COLGALT1: variants seen among roughly 807,000 people sequenced by gnomAD.
The protein encoded by COLGALT1 is collagen beta(1-O)galactosyltransferase 1.
In COLGALT1, 43 loss-of-function variants were observed where a neutral mutation model predicts 60.8. The ratio of observed to expected loss-of-function variants is 0.71; its 90% CI spans 0.55 to 0.91. The LOEUF is 0.91. Ranked by LOEUF, COLGALT1 falls within the 40% of genes least tolerant of loss-of-function variation. COLGALT1 has a pLI of 0.00. For missense variants in COLGALT1, 845 were observed against 880.0 expected, an observed-to-expected ratio of 0.96 and a Z score of 0.50; for synonymous variants, 369 against 374.2, an observed-to-expected ratio of 0.99 and a Z score of 0.16.
At position 17,581,204 on chromosome 19, in the gene COLGALT1, C is replaced by A; in HGVS notation, c.1629C>A (p.Leu543=). 6.2e-7 allele frequency: 1 copy of A among 1,608,114 alleles called. No homozygotes were observed. The highest frequency in any genetic ancestry group is 8.5e-7 in the Non-Finnish European group (1 of 1,178,552). The change falls in exon 12 of 12, where the codon CTC becomes CTA. Residue 543 remains leucine (L), a synonymous_variant. Transcript: ENST00000252599. Reference sequence around the variant, plus strand: ...CCGAGTACAAGGCCCACTTCTCCCTCCGCAACCTGCATGCCTTCTCTGTGG... The same window carrying A: ...CCGAGTACAAGGCCCACTTCTCCCTACGCAACCTGCATGCCTTCTCTGTGG... The part of the protein sequence containing the change: ...PVSEYKAHFS[L]RNLHAFSVEP...
chr19:17,557,375 C>G (rs1008251542), intron 1 of COLGALT1, among the ~76,000 whole-genome samples: 2 of 152,124 alleles, frequency 1.3e-5, no homozygotes, highest in African/African-American at 4.8e-5. Flanking sequence ...GATCTCAGCT[C>G]ATTGCAACCT....
chr19:17,562,950 G>A (rs368301244), intron 3 of COLGALT1, among the ~76,000 whole-genome samples: 1 of 152,062 alleles, frequency 6.6e-6, no homozygotes, highest in African/African-American at 2.4e-5. Context: ...ACAGGCTGAC[G>A]GAGGGGACAT....
chr19:17,564,510 G>C (rs1403501987), intron 3 of COLGALT1, among the ~76,000 whole-genome samples: 1 of 148,886 alleles, frequency 6.7e-6, no homozygotes, highest in African/African-American at 2.5e-5. Flanking sequence ...TCTGCCTTCT[G>C]GGTTCAAGCA....
At chr19:17,562,060 G>A (rs997315485) in intron 3 of COLGALT1, among the ~76,000 whole-genome samples, 7 of 152,050 alleles carry the variant, frequency 4.6e-5, no homozygotes, top group African/African-American at 7.2e-5. Context: ...TAGTAGAGAC[G>A]GGGTTTCGCC....
At chr19:17,557,745 G>A (rs774613880) in intron 1 of COLGALT1, among the ~76,000 whole-genome samples, 6 of 152,288 alleles carry the variant, frequency 3.9e-5, no homozygotes, top group South Asian at 4.1e-4. Flanking sequence ...GGGACTACAG[G>A]CGTATGCCAC....
intron 4 of COLGALT1, among the ~76,000 whole-genome samples, chr19:17,567,810 A>G (rs1484162553): frequency 1.3e-5 from 2 of 151,776 alleles, no homozygotes; most frequent in East Asian, 3.9e-4. Context: ...TTAGCCGGGT[A>G]TGGTGGCACA....
intron 1 of COLGALT1, chr19:17,556,400 A>G: frequency 3.6e-6 from 1 of 276,094 alleles, no homozygotes; most frequent in Non-Finnish European, 5.5e-6. Flanking sequence ...GCCAGAGGCC[A>G]CATCTAACAG....
chr19:17,567,453 G>T lies in COLGALT1; in HGVS notation c.537G>T (p.Leu179=). The part of the protein sequence containing the change: ...NLILNPDTLS[L]LIAENKTVVA... ...TCCTCAACCCTGACACACTGAGCCTGCTCATCGCTGAGAACAAGACGGTGG... is the reference window on the plus strand; with the variant it reads ...TCCTCAACCCTGACACACTGAGCCTTCTCATCGCTGAGAACAAGACGGTGG... The change falls in exon 4 of 12, where the codon CTG becomes CTT. Residue 179 remains leucine (L), a synonymous_variant. Coordinates refer to ENST00000252599, the MANE Select transcript of COLGALT1 (RefSeq NM_024656.4). The T allele has an allele frequency of 6.2e-7, 1 of 1,614,088 alleles. No individual in the cohort carries two copies. Among genetic ancestry groups the T allele is most frequent in the Non-Finnish European group, 8.5e-7 (1 of 1,179,958 alleles).
intron 9 of COLGALT1, 82 bp from the exon 10 acceptor site, chr19:17,579,400 A>T: frequency 6.3e-7 from 1 of 1,588,926 alleles, no homozygotes; most frequent in African/African-American, 1.3e-5. Context: ...GGTCTTTCAA[A>T]CCTTCTCAAA....
chr19:17,556,344 A>C (rs964947121), intron 1 of COLGALT1, among the ~76,000 whole-genome samples: 2 of 152,178 alleles, frequency 1.3e-5, no homozygotes, highest in Admixed American at 6.5e-5. Context: ...CCTCTGGGGC[A>C]CGTACACCTC....
intron 11 of COLGALT1, 92 bp downstream of exon 11, chr19:17,580,997 G>A (rs1599798492): frequency 6.7e-7 from 1 of 1,496,684 alleles, no homozygotes; most frequent in Non-Finnish European, 9.2e-7. Context: ...CCGAGAAGAT[G>A]TCTCTTCTTT....
chr19:17,563,176 T>A (rs1408768836), intron 3 of COLGALT1, among the ~76,000 whole-genome samples: 1 of 151,246 alleles, frequency 6.6e-6, no homozygotes, highest in Non-Finnish European at 1.5e-5. Flanking sequence ...CAAAATAATA[T>A]TTTCGTGTTT....
chr19:17,571,631 T>C (rs2076313116), intron 5 of COLGALT1, among the ~76,000 whole-genome samples: 1 of 150,428 alleles, frequency 6.6e-6, no homozygotes, highest in African/African-American at 2.5e-5. Flanking sequence ...GGCAGGAGAA[T>C]TGCTTGAACC....
chr19:17,580,225 GC>G (rs1483185984), intron 10 of COLGALT1: 3 of 211,314 alleles, frequency 1.4e-5, no homozygotes, highest in African/African-American at 7.0e-5. Flanking sequence ...CAGCACTGGA[GC>G]CGTCCTTCTC....
chr19:17,560,425 C>T lies in COLGALT1; in HGVS notation c.449C>T (p.Ala150Val), dbSNP rs189437760. Residue 150 changes from alanine to valine, a missense_variant, in exon 3 of 12, where the codon GCC becomes GTC. By Grantham distance (64) the Ala-to-Val change is moderately conservative. Coordinates refer to ENST00000252599, the MANE Select transcript of COLGALT1 (RefSeq NM_024656.4). ...YEHVMKLRQA[A>V]LKSARDMWAD... ...CATGTCATGAAGTTGCGCCAGGCAG[C>T]CCTGAAATCAGCTCGAGACATGTGG... 5 of 1,614,164 alleles carry T rather than the reference C, an allele frequency of 3.1e-6. No individual in the cohort carries two copies. Among genetic ancestry groups the T allele is most frequent in the East Asian group, 2.2e-5 (1 of 44,878 alleles).
At chr19:17,560,503 G>C (rs1278505415) in intron 3 of COLGALT1, 38 bp downstream of exon 3, 1 of 1,540,354 alleles carries the variant, frequency 6.5e-7, no homozygotes, top group Middle Eastern at 1.7e-4. Flanking sequence ...ATCACAGGCA[G>C]GTCTGGGTAT....
chr19:17,577,004 T>TGGGGGCGGGGTGAAGCTGGGGCG, intron 6 of COLGALT1, 191 bp from the exon 7 acceptor site: 1 of 307,170 alleles, frequency 3.3e-6, no homozygotes, highest in Non-Finnish European at 6.1e-6. Context: ...GGCCAGGGCT[T>TGGGGGCGGGGTGAAGCTGGGGCG]TGGGCTGCTG....
At chr19:17,577,911 C>T (rs2076354203) in intron 8 of COLGALT1, 46 bp from the exon 9 acceptor site, 1 of 1,567,662 alleles carries the variant, frequency 6.4e-7, no homozygotes. Flanking sequence ...GGCAGAATGG[C>T]AGGCAGGGTG....
At chr19:17,565,166 T>TC (rs2076273227) in intron 3 of COLGALT1, among the ~76,000 whole-genome samples, 1 of 152,040 alleles carries the variant, frequency 6.6e-6, no homozygotes, top group Non-Finnish European at 1.5e-5. Flanking sequence ...GTTGAGACTT[T>TC]TTTTTTGAGA....
Sources: gnomAD v4.1 joint callset for allele counts (sites outside exome capture counted in the v4.1 genomes callset) on GRCh38, gnomAD v4.1.1 for gene constraint, MANE v1.5 for transcripts, NCBI Gene and HGNC (gene_info 2026-07-23, HGNC 2026-07-21) for gene names.